Variants in EHD1 observed in about 807,000 individuals in gnomAD.
EHD1 encodes EH domain containing 1.
Under a neutral mutation model 39.0 loss-of-function variants are expected in EHD1, and 19 were observed. The observed-to-expected ratio is 0.49, with a 90% CI of 0.34 to 0.72. The LOEUF is 0.72. EHD1 is among the 30% of genes least tolerant of loss of function. The pLI, the probability that EHD1 is intolerant of heterozygous loss-of-function variation, is 0.01. For synonymous variants in EHD1, 323 were observed against 331.2 expected (o/e 0.98, Z 0.27); for missense variants, 542 against 751.5 (o/e 0.72, Z 3.26).
chr11:64,855,306 C>T lies in EHD1; in HGVS notation c.1080+16G>A. On this transcript the variant is annotated intron_variant, in intron 4 of 4. Coordinates refer to ENST00000320631, the MANE Select transcript of EHD1 (RefSeq NM_006795.4). ...TGATGGCCACCAGCCTGCATGGGGCCTCGGGACAGCCGTACCTGCATCTTG... is the reference window on the plus strand; with the variant it reads ...TGATGGCCACCAGCCTGCATGGGGCTTCGGGACAGCCGTACCTGCATCTTG... 6.2e-7 allele frequency: 1 copy of T among 1,612,040 alleles called. No individual in the cohort carries two copies. The highest frequency in any genetic ancestry group is 1.1e-5 in the South Asian group (1 of 91,038).
intron 1 of EHD1, chr11:64,877,692 G>C (rs1943899745): frequency 4.4e-6 from 1 of 228,308 alleles, no homozygotes; most frequent in African/African-American, 2.3e-5. Context: ...TGATTTCCGT[G>C]AATTAGGTGC....
intron 3 of EHD1, among the ~76,000 whole-genome samples, chr11:64,857,448 T>G (rs1943665587): frequency 6.6e-6 from 1 of 151,746 alleles, no homozygotes; most frequent in Admixed American, 6.6e-5. Context: ...AATAAAATAA[T>G]AAAATTAAAA....
At chr11:64,862,938 C>A (rs139510366) in intron 2 of EHD1, among the ~76,000 whole-genome samples, 2 of 152,210 alleles carry the variant, frequency 1.3e-5, no homozygotes, top group Non-Finnish European at 2.9e-5. Context: ...CTGTCCCTCC[C>A]GGTCTAGGAA....
At chr11:64,855,284 T>C in intron 4 of EHD1, 38 bp downstream of exon 4, 1 of 1,605,376 alleles carries the variant, frequency 6.2e-7, no homozygotes, top group Non-Finnish European at 8.5e-7. Context: ...TCTGCCCTGA[T>C]GGCCACCAGC....
chr11:64,877,888 G>A (rs1943902136), intron 1 of EHD1, 173 bp downstream of exon 1: 5 of 581,180 alleles, frequency 8.6e-6, no homozygotes, highest in Non-Finnish European at 1.3e-5. Flanking sequence ...TAGACCCCCA[G>A]TGGGTTTACT....
intron 1 of EHD1, among the ~76,000 whole-genome samples, chr11:64,877,476 G>A (rs971819023): frequency 1.2e-4 from 19 of 152,166 alleles, no homozygotes; most frequent in Non-Finnish European, 2.4e-4. Context: ...GCTGCCATTG[G>A]GAGAAGTGTT....
chr11:64,857,523 C>G (rs1021166448), intron 3 of EHD1, among the ~76,000 whole-genome samples: 18 of 152,328 alleles, frequency 1.2e-4, no homozygotes, highest in African/African-American at 4.1e-4. Context: ...GTGCACACAG[C>G]TCACGGAGGT....
chr11:64,873,565 G>A (rs927691559), intron 2 of EHD1, among the ~76,000 whole-genome samples: 2 of 152,168 alleles, frequency 1.3e-5, no homozygotes, highest in African/African-American at 4.8e-5. Flanking sequence ...TCTCACCATG[G>A]CTGCTCCCAT....
At chr11:64,867,291 C>T (rs141850324) in intron 2 of EHD1, among the ~76,000 whole-genome samples, 124 of 151,680 alleles carry the variant, frequency 8.2e-4, no homozygotes, top group Non-Finnish European at 1.5e-3. Flanking sequence ...TGGTGCCACA[C>T]GCCTGTAATC....
rs1565714016 is a variant in EHD1 at position 64,853,582 on chromosome 11, T to G, written c.*751A>C. 6.5e-6 allele frequency: 1 copy of G among 152,730 alleles called. No individual in the cohort carries two copies. The highest frequency in any genetic ancestry group is 1.9e-4 in the East Asian group (1 of 5,182). The allele number at this position is 152,730 out of a possible 1,614,324, so 9.5% of individuals were successfully genotyped here. On this transcript the variant is annotated 3_prime_UTR_variant, in exon 5 of 5. Coordinates refer to ENST00000320631, the MANE Select transcript of EHD1 (RefSeq NM_006795.4). ...AAAAATCACAGCTTTTGAACAGTGGTTGGGAAGTTATTGGGAACTTTGGTC... is the reference window on the plus strand; with the variant it reads ...AAAAATCACAGCTTTTGAACAGTGGGTGGGAAGTTATTGGGAACTTTGGTC...
intron 1 of EHD1, among the ~76,000 whole-genome samples, chr11:64,877,110 G>A (rs769728295): frequency 2.6e-5 from 4 of 152,236 alleles, no homozygotes; most frequent in South Asian, 2.1e-4. Context: ...GTCCGTGAAC[G>A]TGGGGTGGCA....
rs775327121 is a variant in EHD1, at chr11:64,854,710, T to C, written c.1228A>G (p.Lys410Glu). The C allele has an allele frequency of 1.2e-6, 2 of 1,613,130 alleles. No individual in the cohort carries two copies. Among genetic ancestry groups the C allele is most frequent in the Admixed American group, 1.7e-5 (1 of 60,024 alleles). The part of the protein sequence containing the change: ...EESLMPSQVV[K>E]GGAFDGTMNG... ...ATGGTGCCGTCAAAGGCGCCGCCCTTGACCACCTGGGAAGGCATCAGGGAC... is the reference window on the plus strand; with the variant it reads ...ATGGTGCCGTCAAAGGCGCCGCCCTCGACCACCTGGGAAGGCATCAGGGAC... The change falls in exon 5 of 5, where the codon AAG (lysine) becomes GAG (glutamate). Residue 410 changes from lysine (K) to glutamate (E), a missense_variant. Coordinates refer to ENST00000320631, the MANE Select transcript of EHD1 (RefSeq NM_006795.4).
chr11:64,872,749 G>A (rs560921227), intron 2 of EHD1, among the ~76,000 whole-genome samples: 37 of 152,166 alleles, frequency 2.4e-4, no homozygotes, highest in Non-Finnish European at 4.9e-4. Context: ...AGTCCCACAC[G>A]GGCAAGGCCC....
intron 1 of EHD1, 39 bp downstream of exon 1, chr11:64,878,022 C>T: frequency 1.3e-6 from 2 of 1,481,588 alleles, no homozygotes; most frequent in Middle Eastern, 2.0e-4. Context: ...GGGTGTGCCC[C>T]GGACGCGCCC....
intron 1 of EHD1, 142 bp downstream of exon 1, chr11:64,877,919 T>C: frequency 1.2e-6 from 1 of 851,838 alleles, no homozygotes; most frequent in Non-Finnish European, 1.7e-6. Context: ...GCAGGGCCCT[T>C]GGACCAGGGA....
chr11:64,879,111 G>A, upstream of EHD1: 2 of 1,001,690 alleles, frequency 2.0e-6, no homozygotes, highest in African/African-American at 3.5e-5. Flanking sequence ...CCTCCTCTCA[G>A]CCCAGCTTCC....
intron 3 of EHD1, among the ~76,000 whole-genome samples, chr11:64,857,285 G>A (rs1367081702): frequency 1.3e-5 from 2 of 152,274 alleles, no homozygotes; most frequent in East Asian, 3.9e-4. Context: ...TTAGCTGGGT[G>A]TGGTGACGGG....
At chr11:64,866,919 T>C (rs112117172) in intron 2 of EHD1, among the ~76,000 whole-genome samples, 186 of 151,878 alleles carry the variant, frequency 1.2e-3, no homozygotes, top group African/African-American at 4.1e-3. Flanking sequence ...AAAAGGAATA[T>C]AGAATGGGGA....
chr11:64,878,491 C>G lies in EHD1; in HGVS notation c.-27G>C. The G allele has an allele frequency of 1.3e-6, 2 of 1,567,246 alleles. No homozygotes were observed. Among genetic ancestry groups the G allele is most frequent in the Non-Finnish European group, 1.7e-6 (2 of 1,158,756 alleles). ...CTGCCGGACACGGGGCTGGCTGCTG[C>G]GGGGCAGAGCGGCGGCTGAGAGCGG... On this transcript the variant is annotated 5_prime_UTR_variant, in exon 1 of 5. Transcript: ENST00000320631.
Sources: allele counts gnomAD v4.1 joint callset (sites outside exome capture counted in the v4.1 genomes callset), GRCh38; gene constraint gnomAD v4.1.1; transcripts MANE v1.5; gene names NCBI Gene and HGNC (gene_info 2026-07-23, HGNC 2026-07-21).